DNAH17: variants seen among roughly 807,000 people sequenced by gnomAD.
The protein encoded by DNAH17 is dynein axonemal heavy chain 17.
A neutral mutation model predicts 485.6 loss-of-function variants in DNAH17; 376 were observed. The observed-to-expected ratio is 0.77, with a 90% confidence interval of 0.71 to 0.84. DNAH17 has a LOEUF of 0.84. Among genes scored for constraint, DNAH17 ranks in the 40% least tolerant of loss-of-function variants. DNAH17 has a pLI of 0.00. For synonymous variants in DNAH17, 3,031 were observed against 2,405.9 expected, an observed-to-expected ratio of 1.26 and a Z score of -7.60; for missense variants, 6,370 against 5,839.3, an observed-to-expected ratio of 1.09 and a Z score of -2.96.
rs376993626 is a variant in DNAH17, at chr17:78,537,391, C to T, written c.2767G>A (p.Gly923Ser). The T allele has an allele frequency of 1.2e-4, 192 of 1,612,872 alleles. No individual in the cohort carries two copies. The highest frequency in any genetic ancestry group is 1.5e-4 in the Non-Finnish European group (177 of 1,179,724). ...NPTLEVGSDR[G>S]FLALIEGLVN... ...AGGCCCTCGATCAGTGCCAGGAAGC[C>T]GCGATCTGAGCCCACCTCCAGGGTC... Residue 923 changes from glycine (G) to serine (S), a missense_variant, in exon 19 of 81, where the codon GGC (glycine) becomes AGC (serine). By Grantham distance (56) the Gly-to-Ser change is moderately conservative. Transcript: ENST00000389840.
In DNAH17 at chr17:78,501,855, G is replaced by C; in HGVS notation, c.5209C>G (p.Leu1737Val). The change falls in exon 34 of 81, where the codon CTC (leucine) becomes GTC (valine). Residue 1737 changes from leucine to valine, a missense_variant. Transcript: ENST00000389840. ...AGGTTCCCCATGAGCAGCGTGATGA[G>C]TACGTTCAGCTGGCTAATCTGCGGG... ...NKKQISQLNV[L>V]ITLLMGNLNA... 6.2e-7 allele frequency: 1 copy of C among 1,614,052 alleles called. No homozygotes were observed. Among genetic ancestry groups the C allele is most frequent in the Non-Finnish European group, 8.5e-7 (1 of 1,179,904 alleles).
At chr17:78,429,434 C>T in intron 75 of DNAH17, 134 bp from the exon 76 acceptor site, 1 of 991,658 alleles carries the variant, frequency 1.0e-6, no homozygotes, top group East Asian at 2.7e-5. Flanking sequence ...CCAGGTCAGC[C>T]TCCTGGCCAT....
chr17:78,439,017 G>T, intron 73 of DNAH17, 73 bp downstream of exon 73: 2 of 1,543,592 alleles, frequency 1.3e-6, no homozygotes, highest in Non-Finnish European at 8.7e-7. Flanking sequence ...CTTCCTTCCG[G>T]GCCTTCTGGC....
chr17:78,444,817 GC>G lies in DNAH17; in HGVS notation c.11335-21del. 6.5e-7 allele frequency: 1 copy of G among 1,543,230 alleles called. No homozygotes were observed. The highest frequency in any genetic ancestry group is 8.7e-7 in the Non-Finnish European group (1 of 1,147,376). On this transcript the variant is annotated intron_variant, in intron 70 of 80. Transcript: ENST00000389840. ...GAGGGCCTAGGGGCAGAGGCAGCGG[GC>G]CCTGTGACTCTTCCCACTTACCCGG...
chr17:78,486,310 G>T lies in DNAH17; in HGVS notation c.7015C>A (p.Pro2339Thr). The T allele has an allele frequency of 6.2e-7, 1 of 1,613,384 alleles. No homozygotes were observed. ...TACAGCTCCCTGGGGGAGTCGGGGG[G>T]CACGGTCTTCTCCGTGAGCAGGCAC... ...LECLLTEKTV[P>T]PDSPRELYEL... The change falls in exon 45 of 81, where the codon CCC becomes ACC. Residue 2339 changes from proline to threonine, a missense_variant. Physicochemically the swap from Pro to Thr is conservative, Grantham distance 38. Coordinates refer to ENST00000389840, the MANE Select transcript of DNAH17 (RefSeq NM_173628.4).
Position 78,445,062 on chromosome 17 carries a change from G to A in DNAH17, c.11335-265C>T, listed in dbSNP as rs547925780. 1.4e-4 allele frequency among the ~76,000 whole-genome samples: 21 copies of A among 152,232 alleles called. No homozygotes were observed. The South Asian group carries it at 3.9e-3, about 29-fold the overall frequency. ...ATGGGCTAGGGGCTGCTTCTCTAGGGGTCTCTGCAAATGGGGCCATTCTAG... is the reference window on the plus strand; with the variant it reads ...ATGGGCTAGGGGCTGCTTCTCTAGGAGTCTCTGCAAATGGGGCCATTCTAG... On this transcript the variant is annotated intron_variant, in intron 70 of 80. Transcript: ENST00000389840.
At chr17:78,505,540 T>G in intron 30 of DNAH17, 95 bp from the exon 31 acceptor site, 1 of 1,501,850 alleles carries the variant, frequency 6.7e-7, no homozygotes, top group South Asian at 1.2e-5. Flanking sequence ...GGCATCGTTC[T>G]TTTTGGAATA....
chr17:78,526,901 C>A lies in DNAH17; in HGVS notation c.3603G>T (p.Arg1201=). The change falls in exon 23 of 81, where the codon CGG becomes CGT. Residue 1201 remains arginine (R), a synonymous_variant. Transcript: ENST00000389840. ...PLQANEVSIL[R]RKCQQFELKQ... is the part of the protein sequence containing the mutation. ...ATACCTCGAATTGCTGGCATTTCCG[C>A]CGCAGGATGCTGACCTCGTTGGCCT... is the stretch of plus-strand genomic sequence containing the variant. The A allele has an allele frequency of 1.3e-6, 2 of 1,577,518 alleles. No homozygotes were observed. The highest frequency in any genetic ancestry group is 1.7e-6 in the Non-Finnish European group (2 of 1,161,242).
In DNAH17 at chr17:78,561,952, T is replaced by C; in HGVS notation, c.1598A>G (p.Glu533Gly). 1 of 1,611,080 alleles carries C rather than the reference T, an allele frequency of 6.2e-7. No individual in the cohort carries two copies. The highest frequency in any genetic ancestry group is 8.5e-7 in the Non-Finnish European group (1 of 1,178,610). The change falls in exon 12 of 81, where the codon GAG becomes GGG. Residue 533 changes from glutamate to glycine, a missense_variant. Transcript: ENST00000389840. The part of the protein sequence containing the change: ...KLLYMCGGLM[E>G]RPLILAEVAP... ...CACCTCGGCAAGAATCAGGGGCCGCTCCATGAGGCCCCCACACATGTACAG... is the reference window on the plus strand; with the variant it reads ...CACCTCGGCAAGAATCAGGGGCCGCCCCATGAGGCCCCCACACATGTACAG...
Position 78,441,146 on chromosome 17 carries a change from T to G in DNAH17, c.11582A>C (p.Glu3861Ala), listed in dbSNP as rs766212882. ...GCTCTCCTCGTAGGACTTAGAAAAC[T>G]CAACACTCCGGCCTTCCACGAACTT... The part of the protein sequence containing the change: ...GSKFVEGRSV[E>A]FSKSYEESSP... Residue 3861 changes from glutamate (E) to alanine (A), a missense_variant, in exon 72 of 81, where the codon GAG (glutamate) becomes GCG (alanine). Coordinates refer to ENST00000389840, the MANE Select transcript of DNAH17 (RefSeq NM_173628.4). The G allele has an allele frequency of 1.9e-6, 3 of 1,613,902 alleles. No homozygotes were observed. The highest frequency in any genetic ancestry group is 1.6e-4 in the Middle Eastern group (1 of 6,062).
At chr17:78,525,275 G>A (rs1350659475) in intron 24 of DNAH17, 114 bp from the exon 25 acceptor site, 3 of 1,425,690 alleles carry the variant, frequency 2.1e-6, no homozygotes, top group Non-Finnish European at 2.8e-6. Flanking sequence ...AACCTTCTGG[G>A]AGGAGGTGTC....
In DNAH17 at chr17:78,424,142, C is replaced by T. The variant is rs2086275972; in HGVS notation, c.13153G>A (p.Asp4385Asn). The T allele has an allele frequency of 1.9e-6, 3 of 1,610,896 alleles. No individual in the cohort carries two copies. Among genetic ancestry groups the T allele is most frequent in the Non-Finnish European group, 8.5e-7 (1 of 1,178,810 alleles). ...TCAGCGATGACTCCAGTCTGGGTGT[C>T]CCAGCGAGCCCCTGCAGGGACAGTA... is the stretch of plus-strand genomic sequence containing the variant. Reference protein sequence around the residue: ...YGLFMEGARWDTQTGVIAEAR... With the variant: ...YGLFMEGARWNTQTGVIAEAR... The change falls in exon 81 of 81, where the codon GAC (aspartate) becomes AAC (asparagine). Residue 4385 changes from aspartate (D) to asparagine (N), a missense_variant. Asp to Asn is a conservative substitution (Grantham distance 23, BLOSUM62 1). Transcript: ENST00000389840.
intron 2 of DNAH17, among the ~76,000 whole-genome samples, chr17:78,574,206 G>A (rs909795199): frequency 1.3e-5 from 2 of 152,190 alleles, no homozygotes; most frequent in Non-Finnish European, 2.9e-5. Context: ...CAGCAGGTCT[G>A]TGGCCGGGCA....
intron 18 of DNAH17, among the ~76,000 whole-genome samples, chr17:78,538,022 C>T (rs543716897): frequency 4.0e-5 from 6 of 151,862 alleles, no homozygotes; most frequent in South Asian, 2.1e-4. Context: ...GTGTCTGGAA[C>T]CCCAGCTACT....
chr17:78,460,406 G>A (rs1042187910), intron 58 of DNAH17, 149 bp from the exon 59 acceptor site: 1 of 691,144 alleles, frequency 1.4e-6, no homozygotes, highest in Non-Finnish European at 2.4e-6. Flanking sequence ...ATGAGTGTAT[G>A]TGTGTGCATG....
intron 14 of DNAH17, among the ~76,000 whole-genome samples, chr17:78,555,884 G>A (rs772980582): frequency 6.6e-5 from 10 of 152,206 alleles, no homozygotes; most frequent in Admixed American, 3.9e-4. Flanking sequence ...CATGGCCTGA[G>A]CTGGGCCATC....
In DNAH17 at chr17:78,440,521, A is replaced by T. The variant is rs560695608; in HGVS notation, c.11677+530T>A. On this transcript the variant is annotated intron_variant, in intron 72 of 80. Coordinates refer to ENST00000389840, the MANE Select transcript of DNAH17 (RefSeq NM_173628.4). ...GCGATCCGCCCACCCTGGCCTCCCA[A>T]AGTGCTGGGATACAGGTGTGAGCTA... Among the ~76,000 whole-genome samples the T allele has an allele frequency of 2.6e-5, 4 of 152,084 alleles. No homozygotes were observed. In the East Asian group the frequency reaches 5.8e-4, roughly 22 times the overall value.
intron 16 of DNAH17, among the ~76,000 whole-genome samples, chr17:78,545,034 T>C (rs532244589): frequency 6.6e-6 from 1 of 152,116 alleles, no homozygotes; most frequent in South Asian, 2.1e-4. Context: ...TCACCTTTCC[T>C]CCTCCTCACG....
intron 13 of DNAH17, 41 bp downstream of exon 13, chr17:78,560,699 C>T (rs767806724): frequency 7.3e-6 from 11 of 1,511,470 alleles, no homozygotes; most frequent in Non-Finnish European, 8.9e-6. Context: ...TCCCCCCGCT[C>T]CCAAGGAGCC....
Sources: allele counts gnomAD v4.1 joint callset (sites outside exome capture counted in the v4.1 genomes callset), GRCh38; gene constraint gnomAD v4.1.1; transcripts MANE v1.5; gene names NCBI Gene and HGNC (gene_info 2026-07-23, HGNC 2026-07-21).